The following RNF19A variants were observed in gnomAD, a reference collection of about 807,000 sequenced individuals.
The protein encoded by RNF19A is ring finger protein 19A, RBR E3 ubiquitin protein ligase.
In RNF19A, 32 loss-of-function variants were observed where a neutral mutation model predicts 75.7. That is an observed-to-expected ratio of 0.42 (90% CI 0.32 to 0.57). The LOEUF (loss-of-function observed/expected upper bound fraction) is 0.57, where lower values mean the gene tolerates loss of function less well. RNF19A is among the 20% of genes least tolerant of loss of function. RNF19A has a pLI of 0.10. For synonymous variants in RNF19A, 335 were observed against 345.2 expected (o/e 0.97, Z 0.33); for missense variants, 782 against 1,036.3 (o/e 0.75, Z 3.37).
At chr8:100,301,226 G>T (rs1821811976) in intron 1 of RNF19A, among the ~76,000 whole-genome samples, 1 of 152,162 alleles carries the variant, frequency 6.6e-6, no homozygotes, top group South Asian at 2.1e-4. Context: ...ACCACAGAAA[G>T]TTCTATTGCA....
intron 1 of RNF19A, among the ~76,000 whole-genome samples, chr8:100,297,282 C>T (rs1305991491): frequency 3.3e-5 from 5 of 152,148 alleles, no homozygotes; most frequent in Admixed American, 3.3e-4. Context: ...TCCTTAGACG[C>T]GTGAGCACAT....
intron 2 of RNF19A, among the ~76,000 whole-genome samples, chr8:100,278,071 G>C (rs892134114): frequency 3.3e-5 from 5 of 152,234 alleles, no homozygotes; most frequent in Admixed American, 2.0e-4. Context: ...TAATACTTGT[G>C]TAATTTTAAG....
At chr8:100,266,350 G>A (rs938452519) in intron 5 of RNF19A, among the ~76,000 whole-genome samples, 14 of 152,160 alleles carry the variant, frequency 9.2e-5, no homozygotes, top group Non-Finnish European at 1.8e-4. Context: ...CCTGAACAAT[G>A]AGGTAAATAA....
At chr8:100,308,852 G>T (rs1586688677) in intron 1 of RNF19A, among the ~76,000 whole-genome samples, 1 of 152,242 alleles carries the variant, frequency 6.6e-6, no homozygotes, top group East Asian at 1.9e-4. Context: ...CTTTTCTAAC[G>T]TCACCCCAAC....
chr8:100,325,973 G>C lies in RNF19A; in HGVS notation c.-243+10135C>G, dbSNP rs1822528297. ...GAATTCAGGGTATATATTTGAGTTG[G>C]ACACTTATCCTATTACAAATCTATG... is the stretch of plus-strand genomic sequence containing the variant. On this transcript the variant is annotated intron_variant, in intron 1 of 3. Coordinates refer to the RNF19A transcript ENST00000519527. The surrounding 1 kb of genome is among the most constrained non-coding windows in gnomAD (Gnocchi z 4.3). 6.6e-6 allele frequency among the ~76,000 whole-genome samples: 1 copy of C among 152,114 alleles called. No homozygotes were observed. Among genetic ancestry groups the C allele is most frequent in the Admixed American group, 6.5e-5 (1 of 15,274 alleles).
intron 3 of RNF19A, among the ~76,000 whole-genome samples, chr8:100,271,590 T>G (rs573153127): frequency 2.9e-4 from 44 of 152,318 alleles, no homozygotes; most frequent in Admixed American, 1.2e-3. Flanking sequence ...ACATCCCCAT[T>G]TATTCTTATG....
intron 2 of RNF19A, among the ~76,000 whole-genome samples, chr8:100,282,623 G>T (rs923221107): frequency 6.6e-6 from 1 of 151,274 alleles, no homozygotes; most frequent in South Asian, 2.1e-4. Context: ...CCCTAAATCT[G>T]TTTTCTAAGT....
Position 100,259,277 on chromosome 8 carries a change from A to G in RNF19A, c.1827-31T>C. On this transcript the variant is annotated intron_variant, in intron 9 of 9. Transcript: ENST00000341084. This position sits in a 1 kb window ranked among gnomAD's most constrained non-coding sequence, Gnocchi z 4.5. ...ATATAAGAGTAACAAATACAAACAT[A>G]ATTGCTGACTTCTTTTTGTTCAGAT... The G allele has an allele frequency of 6.5e-7, 1 of 1,541,318 alleles. No homozygotes were observed. The highest frequency in any genetic ancestry group is 2.3e-5 in the East Asian group (1 of 44,344).
rs1414840834 is a variant in RNF19A, at chr8:100,257,796, G to C, written c.*760C>G. On this transcript the variant is annotated 3_prime_UTR_variant, in exon 10 of 10. Coordinates refer to ENST00000341084, the MANE Select transcript of RNF19A (RefSeq NM_183419.4). Reference sequence around the variant, plus strand: ...GGTACAAACTTCCCCTTAGAGAAAGGTGGATTTTTTGTAATACTTATAACC... The same window carrying C: ...GGTACAAACTTCCCCTTAGAGAAAGCTGGATTTTTTGTAATACTTATAACC... 5 of 381,338 alleles carry C rather than the reference G, an allele frequency of 1.3e-5. No individual in the cohort carries two copies. Among genetic ancestry groups the C allele is most frequent in the Non-Finnish European group, 2.3e-5 (5 of 215,410 alleles). The allele number at this position is 381,338 out of a possible 1,614,324, so 23.6% of individuals were successfully genotyped here.
chr8:100,316,310 AAG>A (rs1165740865), intron 1 of RNF19A, among the ~76,000 whole-genome samples: 1 of 152,112 alleles, frequency 6.6e-6, no homozygotes, highest in Non-Finnish European at 1.5e-5. Flanking sequence ...ATTTACTGCA[AAG>A]AGCGAAAGAA....
intron 1 of RNF19A, among the ~76,000 whole-genome samples, chr8:100,298,212 A>C (rs961779754): frequency 7.9e-5 from 12 of 151,454 alleles, no homozygotes; most frequent in Admixed American, 2.0e-4. Context: ...AAAAAAAAAA[A>C]CACTTATTAC....
intron 1 of RNF19A, among the ~76,000 whole-genome samples, chr8:100,319,893 T>G (rs184420461): frequency 2.0e-3 from 301 of 149,974 alleles, no homozygotes; most frequent in African/African-American, 6.9e-3. Context: ...CAGAGTGCAA[T>G]GGTAGGGTCT....
At chr8:100,278,991 G>C (rs1182785522) in intron 2 of RNF19A, among the ~76,000 whole-genome samples, 1 of 152,048 alleles carries the variant, frequency 6.6e-6, no homozygotes, top group African/African-American at 2.4e-5. Flanking sequence ...TTCTAACTCT[G>C]TTCAGATCTT....
At chr8:100,279,382 TTTG>T (rs1663754182) in intron 2 of RNF19A, among the ~76,000 whole-genome samples, 1 of 152,146 alleles carries the variant, frequency 6.6e-6, no homozygotes, top group South Asian at 2.1e-4. Flanking sequence ...TTTGTTTTGT[TTTG>T]TTTTTTTAAG....
rs934055248 is a variant in RNF19A at position 100,330,802 on chromosome 8, A to G, written c.-243+5306T>C. Among the ~76,000 whole-genome samples the G allele has an allele frequency of 2.3e-4, 35 of 152,178 alleles. No individual in the cohort carries two copies. Among genetic ancestry groups the G allele is most frequent in the Admixed American group, 1.3e-4 (2 of 15,284 alleles). ...CTTCTCTCTCCTTCCCATGGCTTCTAAGGCCCAAGAAAACTTGGCCCTGCC... is the reference window on the plus strand; with the variant it reads ...CTTCTCTCTCCTTCCCATGGCTTCTGAGGCCCAAGAAAACTTGGCCCTGCC... On this transcript the variant is annotated intron_variant, in intron 1 of 3. Coordinates refer to the RNF19A transcript ENST00000519527. This position sits in a 1 kb window ranked among gnomAD's most constrained non-coding sequence, Gnocchi z 4.1.
rs1233993434 is a variant in RNF19A, at chr8:100,268,916, G to C, written c.1060C>G (p.Pro354Ala). Residue 354 changes from proline to alanine, a missense_variant, in exon 5 of 10, where the codon CCC becomes GCC. This residue lies in a region of RNF19A where 41 missense variants were observed against 75.9 expected (regional missense o/e 0.54). Transcript: ENST00000341084. ...PSGCTFWGKK[P>A]WSRKKKILWQ... Reference sequence around the variant, plus strand: ...AATATTTTCTTCTTTCGGCTCCAGGGTTTCTTCCCCCAAAAAGTACATCCT... The same window carrying C: ...AATATTTTCTTCTTTCGGCTCCAGGCTTTCTTCCCCCAAAAAGTACATCCT... 1 of 1,593,742 alleles carries C rather than the reference G, an allele frequency of 6.3e-7. No individual in the cohort carries two copies. The highest frequency in any genetic ancestry group is 8.6e-7 in the Non-Finnish European group (1 of 1,168,614).
chr8:100,258,805 A>T lies in RNF19A; in HGVS notation c.2268T>A (p.Thr756=), dbSNP rs767924013. 1 of 1,614,232 alleles carries T rather than the reference A, an allele frequency of 6.2e-7. No homozygotes were observed. The highest frequency in any genetic ancestry group is 1.1e-5 in the South Asian group (1 of 91,086). The part of the protein sequence containing the change: ...GSSDYHTRFA[T]VNILPEVEND... ...TTTCTACCTCAGGAAGAATGTTAAC[A>T]GTAGCAAAGCGGGTGTGATAATCAC... The change falls in exon 10 of 10, where the codon ACT becomes ACA. Residue 756 remains threonine (T), a synonymous_variant. Coordinates refer to ENST00000341084, the MANE Select transcript of RNF19A (RefSeq NM_183419.4). This position sits in a 1 kb window ranked among gnomAD's most constrained non-coding sequence, Gnocchi z 4.3.
At chr8:100,309,024 G>T (rs1309786223) in intron 1 of RNF19A, among the ~76,000 whole-genome samples, 2 of 152,096 alleles carry the variant, frequency 1.3e-5, no homozygotes, top group Admixed American at 6.5e-5. Context: ...CCCTTGTCGC[G>T]GGGTTAATGA....
chr8:100,309,274 A>C (rs1432115905), intron 1 of RNF19A: 1 of 977,328 alleles, frequency 1.0e-6, no homozygotes, highest in Non-Finnish European at 1.2e-6. Context: ...CTTTTGAAGG[A>C]GGTGGTAGCA....
Sources: allele counts gnomAD v4.1 joint callset (sites outside exome capture counted in the v4.1 genomes callset), GRCh38; gene constraint gnomAD v4.1.1; regional missense constraint gnomAD v4.1.1; non-coding constraint Gnocchi (gnomAD v3.1); transcripts MANE v1.5; gene names NCBI Gene and HGNC (gene_info 2026-07-23, HGNC 2026-07-21).